CPS1: variants seen among roughly 807,000 people sequenced by gnomAD.
CPS1 encodes carbamoyl-phosphate synthase [ammonia], mitochondrial.
Under a neutral mutation model 174.6 loss-of-function variants are expected in CPS1, and 109 were observed. That is an observed-to-expected ratio of 0.62 (90% CI 0.53 to 0.73). The LOEUF is 0.73. CPS1 is among the 30% of genes least tolerant of loss of function. The probability of loss-of-function intolerance (pLI) is 0.00; values close to 1 mark genes in which losing one functional copy is unlikely to be tolerated. For missense variants in CPS1, 1,689 were observed against 1,821.9 expected, an observed-to-expected ratio of 0.93 and a Z score of 1.33; for synonymous variants, 637 against 632.0, an observed-to-expected ratio of 1.01 and a Z score of -0.12.
chr2:210,661,967 A>G (rs1273148928), intron 32 of CPS1, among the ~76,000 whole-genome samples: 2 of 131,374 alleles, frequency 1.5e-5, no homozygotes, highest in Admixed American at 9.4e-5. Context: ...GTGCAGTGCC[A>G]TGATCTCAGC....
At chr2:210,627,998 C>G (rs1250453207) in intron 21 of CPS1, among the ~76,000 whole-genome samples, 1 of 152,096 alleles carries the variant, frequency 6.6e-6, no homozygotes, top group Admixed American at 6.5e-5. Context: ...GAGTCTTTTT[C>G]TCAGGATGGT....
At chr2:210,598,998 A>G (rs1280237683) in intron 13 of CPS1, among the ~76,000 whole-genome samples, 1 of 151,874 alleles carries the variant, frequency 6.6e-6, no homozygotes, top group Non-Finnish European at 1.5e-5. Flanking sequence ...TCCATTTTAT[A>G]TTTACTAATT....
chr2:210,564,715 G>A (rs1353111485), intron 1 of CPS1, among the ~76,000 whole-genome samples: 1 of 152,006 alleles, frequency 6.6e-6, no homozygotes, highest in Non-Finnish European at 1.5e-5. Context: ...AATGGGGGCC[G>A]GACTTGGTGG....
intron 1 of CPS1, among the ~76,000 whole-genome samples, chr2:210,559,096 A>G (rs1697015826): frequency 6.6e-6 from 1 of 152,112 alleles, no homozygotes; most frequent in East Asian, 1.9e-4. Context: ...CTTCACTTTA[A>G]AAACTCAACT....
chr2:210,505,374 T>C lies in CPS1; in HGVS notation c.3+27608T>C, dbSNP rs371510388. Among the ~76,000 whole-genome samples, 4 of 152,020 alleles carry C rather than the reference T, an allele frequency of 2.6e-5. 1 individual carries two copies. Among genetic ancestry groups the C allele is most frequent in the East Asian group, 1.9e-4 (1 of 5,142 alleles). ...TGCTAGAAAACAGTGATAATCTCAA[T>C]AGAAGAATCTAAGAGCTAGAAGACT... On this transcript the variant is annotated intron_variant, in intron 1 of 38. Transcript: ENST00000430249.
At chr2:210,525,071 A>G (rs1219238556) in intron 1 of CPS1, among the ~76,000 whole-genome samples, 2 of 151,922 alleles carry the variant, frequency 1.3e-5, no homozygotes, top group African/African-American at 4.8e-5. Context: ...ATAAGAACTA[A>G]GGAGTCTCTT....
intron 9 of CPS1, among the ~76,000 whole-genome samples, chr2:210,591,323 A>G (rs921722638): frequency 3.9e-5 from 6 of 152,030 alleles, no homozygotes; most frequent in African/African-American, 1.2e-4. Flanking sequence ...GTGTGACTTA[A>G]GAGCCGAGGA....
At chr2:210,524,776 C>G (rs954871237) in intron 1 of CPS1, among the ~76,000 whole-genome samples, 3 of 151,942 alleles carry the variant, frequency 2.0e-5, no homozygotes, top group Non-Finnish European at 4.4e-5. Flanking sequence ...ACTCCTGTTT[C>G]CTAGAACCTC....
chr2:210,667,568 T>C (rs1451740761), intron 33 of CPS1, among the ~76,000 whole-genome samples: 1 of 152,206 alleles, frequency 6.6e-6, no homozygotes, highest in Non-Finnish European at 1.5e-5. Flanking sequence ...CATATGGCTG[T>C]GGTATTCAGG....
intron 6 of CPS1, among the ~76,000 whole-genome samples, chr2:210,586,612 A>G (rs892643962): frequency 1.3e-5 from 2 of 152,048 alleles, no homozygotes; most frequent in African/African-American, 4.8e-5. Flanking sequence ...AAATCCATAT[A>G]TGCAAGTATC....
chr2:210,502,796 C>G (rs1405446791), intron 1 of CPS1, among the ~76,000 whole-genome samples: 1 of 152,126 alleles, frequency 6.6e-6, no homozygotes, highest in Non-Finnish European at 1.5e-5. Context: ...GTTCCTATCT[C>G]TGTTCTCCCA....
At chr2:210,590,727 C>A in intron 8 of CPS1, 73 bp from the exon 9 acceptor site, 1 of 1,110,194 alleles carries the variant, frequency 9.0e-7, no homozygotes, top group Non-Finnish European at 1.4e-6. Flanking sequence ...AAGGATACCT[C>A]ATTTTTGTTC....
rs1287158273 is a variant in CPS1, at chr2:210,678,398, G to A, written c.*413G>A. ...AAACTCAGGACACTTTAACAGGGCA[G>A]AATACTCTAAAAACTTGATAAAATT... On this transcript the variant is annotated 3_prime_UTR_variant, in exon 38 of 38. Coordinates refer to ENST00000233072, the MANE Select transcript of CPS1 (RefSeq NM_001875.5). 6 of 218,140 alleles carry A rather than the reference G, an allele frequency of 2.8e-5. No individual in the cohort carries two copies. The highest frequency in any genetic ancestry group is 5.6e-5 in the Non-Finnish European group (6 of 108,060). The allele number at this position is 218,140 out of a possible 1,614,324, so 13.5% of individuals were successfully genotyped here.
intron 1 of CPS1, among the ~76,000 whole-genome samples, chr2:210,543,557 T>G (rs1158494273): frequency 6.6e-6 from 1 of 152,108 alleles, no homozygotes; most frequent in East Asian, 1.9e-4. Context: ...AAGCATCCAA[T>G]CTAAATTTTG....
Position 210,648,468 on chromosome 2 carries a change from A to G in CPS1, c.3337-5A>G. 6.2e-7 allele frequency: 1 copy of G among 1,610,122 alleles called. No individual in the cohort carries two copies. Among genetic ancestry groups the G allele is most frequent in the Non-Finnish European group, 8.5e-7 (1 of 1,176,772 alleles). ...TACATTTTTATTGTTGTTTCTATTA[A>G]TTAGAATGAAGCACTGGAATTTGCA... On this transcript the variant is annotated splice_region_variant and splice_polypyrimidine_tract_variant and intron_variant, in intron 26 of 37. Coordinates refer to ENST00000233072, the MANE Select transcript of CPS1 (RefSeq NM_001875.5).
intron 25 of CPS1, among the ~76,000 whole-genome samples, chr2:210,643,536 G>C (rs4482415): frequency 1.3e-5 from 2 of 152,110 alleles, no homozygotes; most frequent in Admixed American, 1.3e-4. Flanking sequence ...TAAATTCTCC[G>C]TGCTTTATCT....
chr2:210,611,839 C>T (rs1559106067), intron 19 of CPS1, among the ~76,000 whole-genome samples: 2 of 151,666 alleles, frequency 1.3e-5, no homozygotes, highest in Non-Finnish European at 2.9e-5. Context: ...TGGTCCAGAG[C>T]AGGTACAGGT....
chr2:210,528,881 C>CTATGA (rs917081634), intron 1 of CPS1, among the ~76,000 whole-genome samples: 3 of 137,866 alleles, frequency 2.2e-5, no homozygotes, highest in African/African-American at 8.2e-5. Context: ...GGCTAGCTGA[C>CTATGA]TATGAGACAA....
intron 1 of CPS1, chr2:210,477,907 C>A: frequency 1.1e-6 from 1 of 932,226 alleles, no homozygotes; most frequent in Non-Finnish European, 1.7e-6. Context: ...TTATCCCACT[C>A]ACAGTCTTTA....
Sources: allele counts gnomAD v4.1 joint callset (sites outside exome capture counted in the v4.1 genomes callset), GRCh38; gene constraint gnomAD v4.1.1; transcripts MANE v1.5; gene names NCBI Gene and HGNC (gene_info 2026-07-23, HGNC 2026-07-21).